Variants in CDKAL1 observed in about 807,000 individuals in gnomAD.
CDKAL1 encodes the protein threonylcarbamoyladenosine tRNA methylthiotransferase.
A neutral mutation model predicts 68.2 loss-of-function variants in CDKAL1; 32 were observed. The ratio of observed to expected loss-of-function variants is 0.47; its 90% CI spans 0.35 to 0.63. The LOEUF (loss-of-function observed/expected upper bound fraction) is 0.63, where lower values mean the gene tolerates loss of function less well. CDKAL1 is among the 30% of genes least tolerant of loss of function. CDKAL1 has a pLI of 0.00. For synonymous variants in CDKAL1, 234 were observed against 244.3 expected (o/e 0.96, Z 0.39); for missense variants, 606 against 696.7 (o/e 0.87, Z 1.47).
At chr6:20,957,963 T>A (rs1170822853) in intron 10 of CDKAL1, among the ~76,000 whole-genome samples, 1 of 116,398 alleles carries the variant, frequency 8.6e-6, no homozygotes, top group Non-Finnish European at 1.7e-5. Flanking sequence ...AAAGCAAGAT[T>A]ATCTCAAAAA....
At chr6:20,714,265 T>C (rs755037762) in intron 5 of CDKAL1, among the ~76,000 whole-genome samples, 18 of 151,644 alleles carry the variant, frequency 1.2e-4, no homozygotes, top group Non-Finnish European at 2.4e-4. Context: ...TAGTCTCTTA[T>C]TTTTAATATT....
chr6:20,611,830 A>G (rs76851481), intron 4 of CDKAL1, among the ~76,000 whole-genome samples: 3 of 152,140 alleles, frequency 2.0e-5, no homozygotes, highest in South Asian at 2.1e-4. Flanking sequence ...CGGCTATCAA[A>G]CATTAGAACC....
At chr6:20,760,579 T>G (rs764436256) in intron 7 of CDKAL1, among the ~76,000 whole-genome samples, 2 of 152,214 alleles carry the variant, frequency 1.3e-5, no homozygotes, top group Non-Finnish European at 2.9e-5. Context: ...GCATTGGGAT[T>G]TGAATCCAGG....
chr6:21,147,801 A>ATT (rs11405792), intron 13 of CDKAL1, among the ~76,000 whole-genome samples: 20 of 151,628 alleles, frequency 1.3e-4, no homozygotes, highest in Admixed American at 2.0e-4. Flanking sequence ...CTATAAAATG[A>ATT]TTTTTTTTTG....
chr6:20,739,466 A>G (rs1773347093), intron 5 of CDKAL1, 53 bp from the exon 6 acceptor site: 8 of 1,127,256 alleles, frequency 7.1e-6, no homozygotes, highest in Non-Finnish European at 1.1e-5. Context: ...ACAGTTTCCA[A>G]GAGTATACCC....
intron 8 of CDKAL1, among the ~76,000 whole-genome samples, chr6:20,831,404 A>T (rs1777712608): frequency 8.8e-6 from 1 of 113,958 alleles, no homozygotes; most frequent in Non-Finnish European, 1.9e-5. Flanking sequence ...TGGTTGTGCG[A>T]TGTGCGGACG....
At chr6:20,814,193 T>C (rs1776943984) in intron 8 of CDKAL1, among the ~76,000 whole-genome samples, 1 of 152,128 alleles carries the variant, frequency 6.6e-6, no homozygotes, top group South Asian at 2.1e-4. Flanking sequence ...TTGTGAATGA[T>C]ATTTTAAGAA....
intron 12 of CDKAL1, among the ~76,000 whole-genome samples, chr6:21,089,852 A>G (rs1772905459): frequency 6.6e-6 from 1 of 152,242 alleles, no homozygotes; most frequent in African/African-American, 2.4e-5. Flanking sequence ...TAATTCCTAT[A>G]TAGTGAGATT....
intron 5 of CDKAL1, among the ~76,000 whole-genome samples, chr6:20,659,818 T>A: frequency 6.6e-6 from 1 of 152,310 alleles, no homozygotes; most frequent in South Asian, 2.1e-4. Flanking sequence ...CTTCTTTGAT[T>A]GTGGTCATCA....
At chr6:20,699,700 G>A (rs1425930094) in intron 5 of CDKAL1, among the ~76,000 whole-genome samples, 1 of 152,156 alleles carries the variant, frequency 6.6e-6, no homozygotes, top group South Asian at 2.1e-4. Flanking sequence ...ATAAAAGCTC[G>A]TCAAGCCGGA....
chr6:21,137,444 A>G (rs979502911), intron 13 of CDKAL1, among the ~76,000 whole-genome samples: 4 of 152,156 alleles, frequency 2.6e-5, no homozygotes, highest in African/African-American at 9.7e-5. Context: ...TTTGTTTTTC[A>G]CAGCCTGTTA....
intron 5 of CDKAL1, among the ~76,000 whole-genome samples, chr6:20,735,072 G>A (rs1197497744): frequency 2.0e-5 from 3 of 151,238 alleles, no homozygotes; most frequent in South Asian, 2.1e-4. Flanking sequence ...GTTTCACCAC[G>A]TTGGCCAGAC....
intron 4 of CDKAL1, among the ~76,000 whole-genome samples, chr6:20,579,622 A>G (rs1765060656): frequency 6.6e-6 from 1 of 152,164 alleles, no homozygotes; most frequent in African/African-American, 2.4e-5. Context: ...ACGAAGTTAA[A>G]GAACTGGACC....
At chr6:20,911,452 G>T (rs1226213815) in intron 9 of CDKAL1, among the ~76,000 whole-genome samples, 2 of 152,176 alleles carry the variant, frequency 1.3e-5, no homozygotes, top group African/African-American at 2.4e-5. Flanking sequence ...TGTTTCACAC[G>T]TTAATTTTGC....
At chr6:21,042,174 C>T (rs563955158) in intron 11 of CDKAL1, among the ~76,000 whole-genome samples, 1 of 152,184 alleles carries the variant, frequency 6.6e-6, no homozygotes, top group East Asian at 1.9e-4. Flanking sequence ...GCTGCAGCTC[C>T]TTCCCAATGT....
At chr6:21,164,067 C>CTAAT (rs1273232780) in intron 13 of CDKAL1, among the ~76,000 whole-genome samples, 5 of 152,094 alleles carry the variant, frequency 3.3e-5, no homozygotes, top group Admixed American at 3.3e-4. Flanking sequence ...TCCACTGCTC[C>CTAAT]TAATTGTTGG....
At chr6:21,106,748 G>C (rs1474097955) in intron 12 of CDKAL1, among the ~76,000 whole-genome samples, 1 of 152,206 alleles carries the variant, frequency 6.6e-6, no homozygotes, top group Non-Finnish European at 1.5e-5. Context: ...TTTGACATAA[G>C]GAACTTGAGC....
At chr6:20,734,989 C>T (rs111877449) in intron 5 of CDKAL1, among the ~76,000 whole-genome samples, 8,967 of 151,654 alleles carry the variant, frequency 0.059, 311 homozygotes, top group African/African-American at 0.1. Context: ...CTGCCTCAGC[C>T]TCCTGAGTGG....
intron 8 of CDKAL1, among the ~76,000 whole-genome samples, chr6:20,837,937 T>G (rs1423044147): frequency 8.1e-6 from 1 of 123,176 alleles, no homozygotes; most frequent in Non-Finnish European, 1.7e-5. Flanking sequence ...TGGGAAGAAA[T>G]TGTGTGTGTG....
Sources: gnomAD v4.1 joint callset for allele counts (sites outside exome capture counted in the v4.1 genomes callset) on GRCh38, gnomAD v4.1.1 for gene constraint, MANE v1.5 for transcripts, NCBI Gene and HGNC (gene_info 2026-07-23, HGNC 2026-07-21) for gene names.